The following C1QTNF7 variants were observed in gnomAD, a reference collection of about 807,000 sequenced individuals.
C1QTNF7 encodes the protein C1q and TNF related 7.
Under a neutral mutation model 19.6 loss-of-function variants are expected in C1QTNF7, and 15 were observed. That is an observed-to-expected ratio of 0.76 (90% CI 0.51 to 1.18). The LOEUF (loss-of-function observed/expected upper bound fraction) is 1.18. C1QTNF7 is among the 50% of genes most tolerant of loss of function. The probability of loss-of-function intolerance (pLI) is 0.00; values close to 1 mark genes in which losing one functional copy is unlikely to be tolerated. For synonymous variants in C1QTNF7, 142 were observed against 137.5 expected (o/e 1.03, Z -0.23); for missense variants, 324 against 359.7 (o/e 0.90, Z 0.80).
chr4:15,360,026 C>A (rs1000248175), intron 1 of C1QTNF7, among the ~76,000 whole-genome samples: 4 of 152,160 alleles, frequency 2.6e-5, no homozygotes, highest in Non-Finnish European at 5.9e-5. Context: ...GTGGCATCAT[C>A]CCTGCTGTCT....
chr4:15,429,235 T>C (rs1028377344), intron 1 of C1QTNF7, among the ~76,000 whole-genome samples: 1 of 152,166 alleles, frequency 6.6e-6, no homozygotes, highest in African/African-American at 2.4e-5. Context: ...AAAATATACA[T>C]ATCATAAAAT....
At chr4:15,441,180 C>T (rs1296286420) in intron 2 of C1QTNF7, among the ~76,000 whole-genome samples, 1 of 152,146 alleles carries the variant, frequency 6.6e-6, no homozygotes, top group African/African-American at 2.4e-5. Context: ...CTGCCAAATG[C>T]TCTGGCTCCA....
intron 1 of C1QTNF7, among the ~76,000 whole-genome samples, chr4:15,430,646 A>G (rs1712260647): frequency 1.3e-5 from 2 of 152,228 alleles, no homozygotes; most frequent in African/African-American, 2.4e-5. Flanking sequence ...TAAAGCTGTT[A>G]AAAATTATTG....
intron 1 of C1QTNF7, among the ~76,000 whole-genome samples, chr4:15,402,240 A>T (rs755541238): frequency 1.6e-4 from 24 of 152,248 alleles, no homozygotes; most frequent in Non-Finnish European, 2.6e-4. Flanking sequence ...CTAAGGGGAC[A>T]AGGTGACCCA....
chr4:15,380,202 A>G (rs1560348738), intron 1 of C1QTNF7, among the ~76,000 whole-genome samples: 1 of 152,254 alleles, frequency 6.6e-6, no homozygotes, highest in East Asian at 1.9e-4. Flanking sequence ...AATACCTTTT[A>G]AAATTCTGGC....
chr4:15,426,528 C>A (rs534154910), upstream of C1QTNF7, among the ~76,000 whole-genome samples: 1 of 152,260 alleles, frequency 6.6e-6, no homozygotes, highest in South Asian at 2.1e-4. Flanking sequence ...TACTGTAATA[C>A]TTTAATGATA....
intron 1 of C1QTNF7, among the ~76,000 whole-genome samples, chr4:15,369,290 T>A (rs1178536901): frequency 6.6e-6 from 1 of 152,252 alleles, no homozygotes; most frequent in Non-Finnish European, 1.5e-5. Context: ...CTCCTTCCTC[T>A]GCAGGGAAAC....
At chr4:15,408,945 T>C (rs1366901511) in intron 1 of C1QTNF7, among the ~76,000 whole-genome samples, 1 of 152,300 alleles carries the variant, frequency 6.6e-6, no homozygotes, top group East Asian at 1.9e-4. Flanking sequence ...TAAATGTCTG[T>C]TATTTAAGCC....
chr4:15,410,260 T>G (rs962151189), intron 1 of C1QTNF7, among the ~76,000 whole-genome samples: 3 of 152,198 alleles, frequency 2.0e-5, no homozygotes, highest in African/African-American at 4.8e-5. Context: ...TGTAAATAAT[T>G]ATGTTACTAA....
intron 1 of C1QTNF7, among the ~76,000 whole-genome samples, chr4:15,403,340 A>G (rs939795397): frequency 3.3e-5 from 5 of 152,196 alleles, no homozygotes; most frequent in African/African-American, 9.7e-5. Flanking sequence ...GCAAATTACC[A>G]CAACCTGGGT....
At chr4:15,383,515 C>T (rs551357575) in intron 1 of C1QTNF7, among the ~76,000 whole-genome samples, 11 of 152,292 alleles carry the variant, frequency 7.2e-5, no homozygotes, top group South Asian at 4.1e-4. Flanking sequence ...CTCCATTGTC[C>T]GGTACTTGTG....
chr4:15,409,306 G>C (rs1244119765), intron 1 of C1QTNF7, among the ~76,000 whole-genome samples: 1 of 152,122 alleles, frequency 6.6e-6, no homozygotes, highest in Non-Finnish European at 1.5e-5. Context: ...CTCAGCCTCA[G>C]GCCCTTCATC....
intron 1 of C1QTNF7, among the ~76,000 whole-genome samples, chr4:15,349,232 T>C (rs549603581): frequency 1.6e-3 from 237 of 152,306 alleles, no homozygotes; most frequent in Non-Finnish European, 1.7e-3. Context: ...TTGGAAACTT[T>C]AAATCTTCAT....
Position 15,435,724 on chromosome 4 carries a change from T to A in C1QTNF7, c.-8-12T>A. 1 of 1,614,040 alleles carries A rather than the reference T, an allele frequency of 6.2e-7. No homozygotes were observed. The highest frequency in any genetic ancestry group is 8.5e-7 in the Non-Finnish European group (1 of 1,179,896). ...CAGAAAGTTCATTTACGTCTGTGTG[T>A]TTCTCTTCCAGAGCCAAAGATGTTT... On this transcript the variant is annotated splice_polypyrimidine_tract_variant and intron_variant, in intron 1 of 2. Coordinates refer to ENST00000444304, the MANE Select transcript of C1QTNF7 (RefSeq NM_031911.5).
intron 1 of C1QTNF7, among the ~76,000 whole-genome samples, chr4:15,430,022 G>C (rs1712235289): frequency 6.6e-6 from 1 of 152,108 alleles, no homozygotes; most frequent in South Asian, 2.1e-4. Context: ...TTTGTACTGA[G>C]TTAATCAGTA....
intron 1 of C1QTNF7, among the ~76,000 whole-genome samples, chr4:15,366,916 A>G (rs1717546046): frequency 6.6e-6 from 1 of 152,118 alleles, no homozygotes; most frequent in African/African-American, 2.4e-5. Context: ...AATTGGGGGG[A>G]AAAGATAGTG....
chr4:15,399,144 A>G (rs1439418824), intron 1 of C1QTNF7, among the ~76,000 whole-genome samples: 1 of 151,824 alleles, frequency 6.6e-6, no homozygotes. Flanking sequence ...CACTCTCCCA[A>G]CTCCTGAGAT....
intron 1 of C1QTNF7, among the ~76,000 whole-genome samples, 195 bp from the exon 2 acceptor site, chr4:15,435,541 G>A (rs896824077): frequency 5.9e-5 from 9 of 152,178 alleles, no homozygotes; most frequent in Non-Finnish European, 1.2e-4. Context: ...GGGCACTGAG[G>A]ATTCTATATC....
At chr4:15,380,480 T>C (rs1718095179) in intron 1 of C1QTNF7, among the ~76,000 whole-genome samples, 1 of 152,230 alleles carries the variant, frequency 6.6e-6, no homozygotes, top group South Asian at 2.1e-4. Context: ...ACAAAAGCCT[T>C]TTCCTTGTCA....
Sources: allele counts gnomAD v4.1 joint callset (sites outside exome capture counted in the v4.1 genomes callset), GRCh38; gene constraint gnomAD v4.1.1; transcripts MANE v1.5; gene names NCBI Gene and HGNC (gene_info 2026-07-23, HGNC 2026-07-21).